DNMBP: variants seen among roughly 807,000 people sequenced by gnomAD.
DNMBP encodes the protein dynamin-binding protein.
In DNMBP, 87 loss-of-function variants were observed where a neutral mutation model predicts 150.0. The observed-to-expected ratio is 0.58, with a 90% confidence interval of 0.49 to 0.69. The LOEUF (loss-of-function observed/expected upper bound fraction) is 0.69. Ranked by LOEUF, DNMBP falls within the 30% of genes least tolerant of loss-of-function variation. The pLI is 0.00. For synonymous variants in DNMBP, 711 were observed against 750.4 expected, an observed-to-expected ratio of 0.95 and a Z score of 0.86; for missense variants, 1,774 against 1,949.0, an observed-to-expected ratio of 0.91 and a Z score of 1.69.
At chr10:99,915,108 A>AAATATATATATATATATATAT (rs10654940) in intron 4 of DNMBP, among the ~76,000 whole-genome samples, 5 of 99,796 alleles carry the variant, frequency 5.0e-5, no homozygotes, top group African/African-American at 2.2e-4. Flanking sequence ...AAAAAAAAAA[A>AAATATATATATATATATATAT]ATATATATAT....
chr10:99,929,996 CATAAT>C, intron 4 of DNMBP: 1 of 702,932 alleles, frequency 1.4e-6, no homozygotes, highest in Non-Finnish European at 2.6e-6. Flanking sequence ...CACCCTGATC[CATAAT>C]ATGAGTCTTT....
chr10:99,919,265 G>A (rs1030375429), intron 4 of DNMBP, among the ~76,000 whole-genome samples: 1 of 152,136 alleles, frequency 6.6e-6, no homozygotes, highest in Non-Finnish European at 1.5e-5. Context: ...TAAAAGCATG[G>A]CCATTTCCTG....
intron 1 of DNMBP, among the ~76,000 whole-genome samples, chr10:100,005,941 A>G (rs927375014): frequency 6.6e-6 from 1 of 152,204 alleles, no homozygotes; most frequent in Non-Finnish European, 1.5e-5. Context: ...GAATGGGACA[A>G]GGGAATTCTA....
intron 4 of DNMBP, among the ~76,000 whole-genome samples, chr10:99,917,926 G>A (rs2039981827): frequency 7.0e-6 from 1 of 143,462 alleles, no homozygotes; most frequent in Non-Finnish European, 1.5e-5. Flanking sequence ...CCAAGATCGT[G>A]CCACTGCACT....
chr10:99,921,089 C>A (rs564965034), intron 4 of DNMBP, among the ~76,000 whole-genome samples: 4 of 152,330 alleles, frequency 2.6e-5, no homozygotes, highest in African/African-American at 9.6e-5. Flanking sequence ...TCTTTCTAAT[C>A]ATCCAGTTAG....
chr10:99,904,373 C>T lies in DNMBP; in HGVS notation c.2554+3622G>A, dbSNP rs187107283. On this transcript the variant is annotated intron_variant, in intron 6 of 16. Coordinates refer to ENST00000324109, the MANE Select transcript of DNMBP (RefSeq NM_015221.4). The stretch of plus-strand genomic sequence containing the variant: ...GGGATGTGTTTAAAATCAGGTAAAG[C>T]GAGTACTTTCCACCTATGACCATGT... Among the ~76,000 whole-genome samples, 598 of 152,194 alleles carry T rather than the reference C, an allele frequency of 3.9e-3. 10 individuals carry two copies. Among genetic ancestry groups the T allele is most frequent in the Admixed American group, 7.1e-3 (109 of 15,286 alleles).
intron 6 of DNMBP, among the ~76,000 whole-genome samples, chr10:99,907,398 T>G (rs1218887460): frequency 6.6e-6 from 1 of 151,344 alleles, no homozygotes; most frequent in Non-Finnish European, 1.5e-5. Flanking sequence ...TATTTTCTTT[T>G]GTTTTTTTTT....
intron 1 of DNMBP, among the ~76,000 whole-genome samples, chr10:100,005,405 T>C (rs543614580): frequency 6.6e-6 from 1 of 152,164 alleles, no homozygotes; most frequent in African/African-American, 2.4e-5. Context: ...GGGGTATAAA[T>C]GCAGCATTCC....
intron 4 of DNMBP, among the ~76,000 whole-genome samples, chr10:99,929,099 G>A (rs764455673): frequency 5.9e-5 from 9 of 152,088 alleles, no homozygotes; most frequent in Non-Finnish European, 1.0e-4. Context: ...AGCCATGACC[G>A]TGCCACTGTT....
chr10:99,892,001 G>A (rs1177036165), intron 11 of DNMBP, among the ~76,000 whole-genome samples: 59 of 123,626 alleles, frequency 4.8e-4, no homozygotes, highest in African/African-American at 8.4e-4. Flanking sequence ...TGGGAAGTGA[G>A]GAGCCCCTCT....
rs1035837240 is a variant in DNMBP at position 99,956,641 on chromosome 10, T to A, written c.833A>T (p.Asp278Val). 2 of 1,613,978 alleles carry A rather than the reference T, an allele frequency of 1.2e-6. No homozygotes were observed. Among genetic ancestry groups the A allele is most frequent in the Non-Finnish European group, 1.7e-6 (2 of 1,179,890 alleles). Residue 278 changes from aspartate to valine, a missense_variant, in exon 4 of 17, where the codon GAT becomes GTT. This residue lies in a region of DNMBP where 344 missense variants were observed against 456.6 expected (regional missense o/e 0.75). Coordinates refer to ENST00000324109, the MANE Select transcript of DNMBP (RefSeq NM_015221.4). Reference protein sequence around the residue: ...DKIRILATLEDGWLEGSLKGR... With the variant: ...DKIRILATLEVGWLEGSLKGR... ...CTTCAGGGATCCTTCCAGCCAGCCA[T>A]CTTCCAAGGTCGCCAGAATTCGGAT...
rs202144781 is a variant in DNMBP at position 99,915,210 on chromosome 10, T to TACACAC, written c.2261-6065_2261-6064insGTGTGT. ...ACACATATACACACATATACATATA[T>TACACAC]ACATACACACACACACACACACACG... is the stretch of plus-strand genomic sequence containing the variant. On this transcript the variant is annotated intron_variant, in intron 4 of 16. Transcript: ENST00000324109. 1.8e-3 allele frequency among the ~76,000 whole-genome samples: 216 copies of TACACAC among 117,348 alleles called. 3 individuals are homozygous for TACACAC. Among genetic ancestry groups the TACACAC allele is most frequent in the African/African-American group, 4.7e-3 (154 of 33,104 alleles). 77.0% of individuals were successfully genotyped at this position (117,348 alleles called of 152,430 possible).
At chr10:99,937,646 C>T (rs767232158) in intron 4 of DNMBP, among the ~76,000 whole-genome samples, 1 of 152,172 alleles carries the variant, frequency 6.6e-6, no homozygotes, top group Non-Finnish European at 1.5e-5. Context: ...AAGCCATGTA[C>T]ACCCCAACAC....
At chr10:99,967,850 T>G (rs1203481937) in intron 3 of DNMBP, among the ~76,000 whole-genome samples, 1 of 152,190 alleles carries the variant, frequency 6.6e-6, no homozygotes, top group Non-Finnish European at 1.5e-5. Context: ...AGCTTCTGTC[T>G]TTTAGACACT....
At chr10:99,937,234 A>T (rs921921044) in intron 4 of DNMBP, among the ~76,000 whole-genome samples, 3 of 151,900 alleles carry the variant, frequency 2.0e-5, no homozygotes, top group Admixed American at 2.0e-4. Context: ...TATTGTCAAA[A>T]CTTCTGATGT....
chr10:99,950,091 T>C (rs1263312779), intron 4 of DNMBP, among the ~76,000 whole-genome samples: 1 of 152,176 alleles, frequency 6.6e-6, no homozygotes, highest in African/African-American at 2.4e-5. Flanking sequence ...GGTAATTGAA[T>C]CATGGGGGGC....
chr10:99,951,813 G>T (rs767971921), intron 4 of DNMBP, among the ~76,000 whole-genome samples: 6 of 152,030 alleles, frequency 3.9e-5, no homozygotes, highest in Non-Finnish European at 8.8e-5. Context: ...ATGAGACGTC[G>T]AACTGTGGAC....
At chr10:99,913,135 A>C (rs1273162847) in intron 4 of DNMBP, among the ~76,000 whole-genome samples, 1 of 152,098 alleles carries the variant, frequency 6.6e-6, no homozygotes, top group East Asian at 1.9e-4. Context: ...GTCTCTAAAA[A>C]AATTAAATTT....
In DNMBP at chr10:99,883,638, CAAAAAAAAAAAAA is replaced by C. The variant is rs71009782; in HGVS notation, c.3997+360_3997+372del. Among the ~76,000 whole-genome samples, 7 of 65,618 alleles carry C rather than the reference CAAAAAAAAAAAAA, an allele frequency of 1.1e-4. No individual in the cohort carries two copies. In the East Asian group the frequency reaches 2.8e-3, roughly 26 times the overall value. The allele number at this position is 65,618 out of a possible 152,430, so 43.0% of individuals were successfully genotyped here. On this transcript the variant is annotated intron_variant, in intron 15 of 16. Coordinates refer to ENST00000324109, the MANE Select transcript of DNMBP (RefSeq NM_015221.4). Reference sequence around the variant, plus strand: ...CCTGGATAACAGAGCAAGACTGCCACAAAAAAAAAAAAAAAAAAAAAAAAAAAAAATTTGAAAA... The same window carrying C: ...CCTGGATAACAGAGCAAGACTGCCACAAAAAAAAAAAAAAAAATTTGAAAA...
Sources: allele counts gnomAD v4.1 joint callset (sites outside exome capture counted in the v4.1 genomes callset), GRCh38; gene constraint gnomAD v4.1.1; regional missense constraint gnomAD v4.1.1; transcripts MANE v1.5; gene names NCBI Gene and HGNC (gene_info 2026-07-23, HGNC 2026-07-21).